The following SLC2A12 variants were observed in gnomAD, a reference collection of about 807,000 sequenced individuals.
SLC2A12 encodes the protein solute carrier family 2, facilitated glucose transporter member 12.
In SLC2A12, 23 loss-of-function variants were observed where a neutral mutation model predicts 41.8. The observed-to-expected ratio is 0.55, with a 90% CI of 0.40 to 0.78. The LOEUF (loss-of-function observed/expected upper bound fraction) is 0.78. SLC2A12 is among the 30% of genes least tolerant of loss of function. The pLI, the probability that SLC2A12 is intolerant of heterozygous loss-of-function variation, is 0.00. For synonymous variants in SLC2A12, 295 were observed against 285.9 expected, an observed-to-expected ratio of 1.03 and a Z score of -0.32; for missense variants, 654 against 745.6, an observed-to-expected ratio of 0.88 and a Z score of 1.43.
intron 2 of SLC2A12, among the ~76,000 whole-genome samples, chr6:134,019,264 TGGGTTTC>T (rs1777009395): frequency 6.6e-6 from 1 of 152,210 alleles, no homozygotes; most frequent in African/African-American, 2.4e-5. Flanking sequence ...TAAGGAGGGC[TGGGTTTC>T]TACACAAGTG....
At chr6:134,013,834 C>A (rs1453416545) in intron 2 of SLC2A12, among the ~76,000 whole-genome samples, 1 of 152,186 alleles carries the variant, frequency 6.6e-6, no homozygotes, top group East Asian at 1.9e-4. Context: ...CCAATATTTC[C>A]AGTTGTGTTT....
At chr6:134,022,430 C>G (rs1777052299) in intron 2 of SLC2A12, among the ~76,000 whole-genome samples, 1 of 152,060 alleles carries the variant, frequency 6.6e-6, no homozygotes, top group Non-Finnish European at 1.5e-5. Context: ...ACTTGGGAGG[C>G]TGAGGCAGGA....
chr6:133,999,594 C>G (rs1476882877), intron 4 of SLC2A12, among the ~76,000 whole-genome samples: 1 of 152,132 alleles, frequency 6.6e-6, no homozygotes, highest in Non-Finnish European at 1.5e-5. Context: ...AGCCACTTTG[C>G]CTCCTCAAGG....
At chr6:133,991,938 G>A (rs1776628731) in intron 4 of SLC2A12, among the ~76,000 whole-genome samples, 1 of 152,150 alleles carries the variant, frequency 6.6e-6, no homozygotes, top group African/African-American at 2.4e-5. Context: ...TAGTAAAAGT[G>A]CAAATGAGAA....
intron 2 of SLC2A12, among the ~76,000 whole-genome samples, 155 bp downstream of exon 2, chr6:134,028,226 G>T (rs779840210): frequency 3.3e-5 from 5 of 152,164 alleles, no homozygotes; most frequent in Non-Finnish European, 5.9e-5. Flanking sequence ...CTTTTCAGAA[G>T]CAGATATAAG....
At chr6:133,992,433 C>A (rs1490070110) in intron 4 of SLC2A12, among the ~76,000 whole-genome samples, 1 of 152,064 alleles carries the variant, frequency 6.6e-6, no homozygotes, top group South Asian at 2.1e-4. Flanking sequence ...TAATCATCTT[C>A]GAAAGTAGGA....
At chr6:134,021,228 C>A (rs1225036024) in intron 2 of SLC2A12, among the ~76,000 whole-genome samples, 1 of 152,190 alleles carries the variant, frequency 6.6e-6, no homozygotes, top group Non-Finnish European at 1.5e-5. Context: ...CTAGCCAGAT[C>A]TTTACACAAG....
At chr6:134,037,818 A>G (rs1463392763) in intron 1 of SLC2A12, among the ~76,000 whole-genome samples, 2 of 152,194 alleles carry the variant, frequency 1.3e-5, no homozygotes, top group Non-Finnish European at 2.9e-5. Flanking sequence ...AGGATGCCCC[A>G]GGAAGGAGAT....
At chr6:134,022,533 A>AAAAG (rs1472116010) in intron 2 of SLC2A12, among the ~76,000 whole-genome samples, 6 of 142,144 alleles carry the variant, frequency 4.2e-5, no homozygotes, top group South Asian at 2.3e-4. Context: ...CTCCATCTCA[A>AAAAG]AAAAGAAAAG....
intron 1 of SLC2A12, among the ~76,000 whole-genome samples, chr6:134,045,476 A>C (rs1044046264): frequency 2.0e-4 from 31 of 152,326 alleles, no homozygotes; most frequent in African/African-American, 6.0e-4. Context: ...TCAGAGTCCT[A>C]ATTAGTTACC....
chr6:134,029,575 T>C lies in SLC2A12; in HGVS notation c.250A>G (p.Ser84Gly), dbSNP rs1304037896. 2 of 1,613,906 alleles carry C rather than the reference T, an allele frequency of 1.2e-6. No individual in the cohort carries two copies. The highest frequency in any genetic ancestry group is 2.7e-5 in the African/African-American group (2 of 74,870). Residue 84 changes from serine to glycine, a missense_variant, in exon 2 of 5, where the codon AGC (serine) becomes GGC (glycine). Ser to Gly is a moderately conservative substitution (Grantham distance 56, BLOSUM62 0). This residue lies in a region of SLC2A12 where 109 missense variants were observed against 153.0 expected (regional missense o/e 0.71). Coordinates refer to ENST00000275230, the MANE Select transcript of SLC2A12 (RefSeq NM_145176.3). The stretch of plus-strand genomic sequence containing the variant: ...AGGAGGGCTCCAATGACGAGGGAGC[T>C]CACAACCATTTCCTGCTCATGGCAG... The part of the protein sequence containing the change: ...LSCHEQEMVV[S>G]SLVIGALLAS...
intron 1 of SLC2A12, among the ~76,000 whole-genome samples, chr6:134,040,349 G>A (rs1777366227): frequency 6.6e-6 from 1 of 152,150 alleles, no homozygotes; most frequent in Admixed American, 6.5e-5. Flanking sequence ...AAAGTGCTGG[G>A]ATTACAGGTG....
intron 2 of SLC2A12, among the ~76,000 whole-genome samples, chr6:134,016,037 A>G (rs960244943): frequency 4.1e-4 from 62 of 152,116 alleles, no homozygotes; most frequent in Admixed American, 3.7e-3. Flanking sequence ...AAGACATTTG[A>G]GTTTTAGGAT....
intron 1 of SLC2A12, among the ~76,000 whole-genome samples, chr6:134,035,170 A>AAAAAAAAC (rs1562202802): frequency 1.5e-5 from 2 of 137,726 alleles, no homozygotes. Flanking sequence ...AAAAAAAAAA[A>AAAAAAAAC]AAAACTGTGT....
At position 134,000,248 on chromosome 6, in the gene SLC2A12, GA is replaced by G. The variant is rs1467281251; in HGVS notation, c.1700+1748del. Among the ~76,000 whole-genome samples the G allele has an allele frequency of 1.2e-4, 19 of 152,126 alleles. No individual in the cohort carries two copies. In the South Asian group the frequency reaches 3.7e-3, roughly 30 times the overall value. On this transcript the variant is annotated intron_variant, in intron 4 of 4. Coordinates refer to ENST00000275230, the MANE Select transcript of SLC2A12 (RefSeq NM_145176.3). ...GATATTTACCTTAAGCTTAAACTGG[GA>G]GAATTTTTTTCTGCTTTTTCTAAAG...
intron 1 of SLC2A12, among the ~76,000 whole-genome samples, chr6:134,041,712 A>G (rs760819282): frequency 1.3e-4 from 20 of 152,280 alleles, no homozygotes; most frequent in Non-Finnish European, 2.4e-4. Flanking sequence ...CCAATCTTAT[A>G]CATTAGGCTC....
chr6:133,992,446 G>A (rs541892109), intron 4 of SLC2A12, among the ~76,000 whole-genome samples: 3 of 152,134 alleles, frequency 2.0e-5, no homozygotes, highest in South Asian at 2.1e-4. Flanking sequence ...AAGTAGGAAC[G>A]TCAACTCACC....
At chr6:134,052,090 T>A (rs1773691662) in intron 1 of SLC2A12, among the ~76,000 whole-genome samples, 1 of 152,006 alleles carries the variant, frequency 6.6e-6, no homozygotes, top group Admixed American at 6.5e-5. Context: ...AGGGGACCCA[T>A]CATACCAGTG....
chr6:134,001,099 T>C (rs1366262246), intron 4 of SLC2A12, among the ~76,000 whole-genome samples: 2 of 147,746 alleles, frequency 1.4e-5, no homozygotes, highest in Non-Finnish European at 3.0e-5. Context: ...GAAGAAGTTC[T>C]GAGATGGTGA....
Sources: allele counts gnomAD v4.1 joint callset (sites outside exome capture counted in the v4.1 genomes callset), GRCh38; gene constraint gnomAD v4.1.1; regional missense constraint gnomAD v4.1.1; transcripts MANE v1.5; gene names NCBI Gene and HGNC (gene_info 2026-07-23, HGNC 2026-07-21).